Variants in GALNTL6 observed in about 807,000 individuals in gnomAD.
The protein encoded by GALNTL6 is polypeptide N-acetylgalactosaminyltransferase-like 6.
A neutral mutation model predicts 73.7 loss-of-function variants in GALNTL6; 46 were observed. That is an observed-to-expected ratio of 0.62 (90% CI 0.49 to 0.80). The LOEUF is 0.80. GALNTL6 is among the 30% of genes least tolerant of loss of function. The probability of loss-of-function intolerance (pLI) is 0.00; values close to 1 mark genes in which losing one functional copy is unlikely to be tolerated. For synonymous variants in GALNTL6, 259 were observed against 263.7 expected (o/e 0.98, Z 0.17); for missense variants, 604 against 755.0 (o/e 0.80, Z 2.34).
intron 5 of GALNTL6, among the ~76,000 whole-genome samples, chr4:172,610,402 A>G (rs968185435): frequency 6.6e-6 from 1 of 152,162 alleles, no homozygotes; most frequent in Non-Finnish European, 1.5e-5. Context: ...GTTGTATCTT[A>G]GTTTTAATTA....
intron 2 of GALNTL6, among the ~76,000 whole-genome samples, chr4:171,977,108 G>A (rs866076840): frequency 1.3e-5 from 2 of 152,182 alleles, no homozygotes; most frequent in Admixed American, 6.5e-5. Flanking sequence ...TTCAGAAGAA[G>A]GAGAGTAAGC....
At chr4:172,464,064 C>G (rs1579095707) in intron 5 of GALNTL6, among the ~76,000 whole-genome samples, 1 of 151,474 alleles carries the variant, frequency 6.6e-6, no homozygotes, top group East Asian at 1.9e-4. Flanking sequence ...TTTCTTTTTC[C>G]TTTTATGGCA....
chr4:171,944,719 C>G (rs1738649794), intron 2 of GALNTL6, among the ~76,000 whole-genome samples: 1 of 151,908 alleles, frequency 6.6e-6, no homozygotes, highest in East Asian at 1.9e-4. Flanking sequence ...ATATAGGTTT[C>G]TAACTATCCT....
chr4:172,130,005 C>T (rs893582169), intron 2 of GALNTL6, among the ~76,000 whole-genome samples: 6 of 151,948 alleles, frequency 3.9e-5, no homozygotes, highest in South Asian at 2.1e-4. Flanking sequence ...GGAATACACA[C>T]GGCAAAGTAA....
chr4:172,858,818 C>T (rs576290448), intron 7 of GALNTL6, among the ~76,000 whole-genome samples: 2 of 151,856 alleles, frequency 1.3e-5, no homozygotes, highest in African/African-American at 2.4e-5. Context: ...CAGATAGGAA[C>T]GTGACTGGGA....
chr4:172,830,364 G>A (rs994357439), intron 7 of GALNTL6, among the ~76,000 whole-genome samples: 2 of 152,202 alleles, frequency 1.3e-5, no homozygotes. Flanking sequence ...GAATGGGACT[G>A]CTATTGCTTG....
chr4:172,773,392 CGTAAG>C (rs1315278962), intron 5 of GALNTL6, among the ~76,000 whole-genome samples: 5 of 152,032 alleles, frequency 3.3e-5, no homozygotes, highest in Non-Finnish European at 7.4e-5. Flanking sequence ...ATTAAGGTCT[CGTAAG>C]GTATGTGTAG....
intron 3 of GALNTL6, among the ~76,000 whole-genome samples, chr4:172,271,420 T>C (rs763488317): frequency 8.5e-5 from 13 of 152,138 alleles, no homozygotes; most frequent in Non-Finnish European, 1.9e-4. Context: ...TACACACATA[T>C]ATACAAACAT....
At chr4:172,899,855 C>T (rs2169009) in intron 8 of GALNTL6, among the ~76,000 whole-genome samples, 62,440 of 151,986 alleles carry the variant, frequency 0.41, 13,293 homozygotes, top group African/African-American at 0.5. Flanking sequence ...AACTTCCTAC[C>T]GTTGCCATGG....
intron 10 of GALNTL6, among the ~76,000 whole-genome samples, chr4:172,971,744 G>T (rs1361283131): frequency 6.6e-6 from 1 of 152,070 alleles, no homozygotes; most frequent in African/African-American, 2.4e-5. Context: ...AAGGCAAGAA[G>T]TGGAACAAAA....
intron 2 of GALNTL6, among the ~76,000 whole-genome samples, chr4:172,163,437 G>T (rs894565734): frequency 6.7e-6 from 1 of 149,562 alleles, no homozygotes; most frequent in South Asian, 2.1e-4. Flanking sequence ...TGTGTAGATA[G>T]TAGGTAAATA....
intron 2 of GALNTL6, among the ~76,000 whole-genome samples, chr4:172,135,572 A>G (rs1321366688): frequency 6.6e-6 from 1 of 152,154 alleles, no homozygotes; most frequent in Non-Finnish European, 1.5e-5. Flanking sequence ...AGCGTCCTTC[A>G]GGGCTTCAAT....
At chr4:171,991,689 G>A (rs1160399544) in intron 2 of GALNTL6, among the ~76,000 whole-genome samples, 1 of 147,958 alleles carries the variant, frequency 6.8e-6, no homozygotes, top group Non-Finnish European at 1.5e-5. Context: ...TCTATAAGTA[G>A]ACCAGAAGTT....
chr4:171,838,038 C>T (rs1008585246), intron 2 of GALNTL6, among the ~76,000 whole-genome samples: 3 of 151,958 alleles, frequency 2.0e-5, no homozygotes, highest in African/African-American at 4.8e-5. Flanking sequence ...TAGTTTCTCC[C>T]TTCACTCTTT....
At position 172,259,477 on chromosome 4, in the gene GALNTL6, T is replaced by A. The variant is rs1445232037; in HGVS notation, c.247+29713T>A. ...TTTGTTTTTTTTTTTTCTTGCTGAT[T>A]TGTTGGAGTGTTTTGTAGATTCTGG... On this transcript the variant is annotated intron_variant, in intron 3 of 12. Transcript: ENST00000506823. 1.3e-5 allele frequency among the ~76,000 whole-genome samples: 2 copies of A among 151,392 alleles called. 1 individual carries two copies. Among genetic ancestry groups the A allele is most frequent in the South Asian group, 4.2e-4 (2 of 4,814 alleles).
chr4:172,462,781 A>G (rs151016199), intron 5 of GALNTL6, among the ~76,000 whole-genome samples: 66 of 152,350 alleles, frequency 4.3e-4, no homozygotes, highest in Non-Finnish European at 8.1e-4. Flanking sequence ...AATTGCGTCT[A>G]TAAGATGAAG....
At chr4:172,225,745 G>A (rs1038526471) in intron 2 of GALNTL6, among the ~76,000 whole-genome samples, 2 of 151,466 alleles carry the variant, frequency 1.3e-5, no homozygotes, top group African/African-American at 4.9e-5. Context: ...AACAGGGTGA[G>A]ACCCAGTTTC....
intron 5 of GALNTL6, among the ~76,000 whole-genome samples, chr4:172,802,060 A>G (rs755854155): frequency 6.6e-6 from 1 of 152,110 alleles, no homozygotes; most frequent in Non-Finnish European, 1.5e-5. Flanking sequence ...ATTGAAAAAA[A>G]TCAAGCCCTT....
intron 3 of GALNTL6, among the ~76,000 whole-genome samples, chr4:172,247,926 C>T (rs979384687): frequency 3.3e-5 from 5 of 151,762 alleles, no homozygotes; most frequent in African/African-American, 1.2e-4. Context: ...TTTTCAAGTT[C>T]ATACATGACT....
Sources: allele counts gnomAD v4.1 joint callset (sites outside exome capture counted in the v4.1 genomes callset), GRCh38; gene constraint gnomAD v4.1.1; transcripts MANE v1.5; gene names NCBI Gene and HGNC (gene_info 2026-07-23, HGNC 2026-07-21).